The following DIP2B variants were observed in gnomAD, a reference collection of about 807,000 sequenced individuals.
The protein encoded by DIP2B is disco-interacting protein 2 homolog B.
A neutral mutation model predicts 198.0 loss-of-function variants in DIP2B; 76 were observed. The ratio of observed to expected loss-of-function variants is 0.38; its 90% CI spans 0.32 to 0.46. The LOEUF is 0.46. Ranked by LOEUF, DIP2B falls within the 20% of genes least tolerant of loss-of-function variation. The probability of loss-of-function intolerance (pLI) is 0.99; values close to 1 mark genes in which losing one functional copy is unlikely to be tolerated. For synonymous variants in DIP2B, 701 were observed against 739.1 expected (o/e 0.95, Z 0.84); for missense variants, 1,559 against 1,978.4 (o/e 0.79, Z 4.02).
In DIP2B at chr12:50,675,457, A is replaced by G. The variant is rs1366135011; in HGVS notation, c.916+9A>G. Reference sequence around the variant, plus strand: ...TGAAGAAATTGTGGAAGGTAGTAGTAAAAATACCAAAAACATATATTCATT... The same window carrying G: ...TGAAGAAATTGTGGAAGGTAGTAGTGAAAATACCAAAAACATATATTCATT... On this transcript the variant is annotated intron_variant, in intron 7 of 37. Coordinates refer to ENST00000301180, the MANE Select transcript of DIP2B (RefSeq NM_173602.3). The G allele has an allele frequency of 6.2e-7, 1 of 1,611,898 alleles. No individual in the cohort carries two copies. Among genetic ancestry groups the G allele is most frequent in the Non-Finnish European group, 8.5e-7 (1 of 1,178,634 alleles).
At chr12:50,532,422 G>A (rs540190370) in intron 1 of DIP2B, among the ~76,000 whole-genome samples, 5 of 152,296 alleles carry the variant, frequency 3.3e-5, no homozygotes, top group Non-Finnish European at 7.3e-5. Flanking sequence ...GTCTGAGGTG[G>A]GAGGATCGCT....
At chr12:50,558,940 G>T (rs1178296541) in intron 1 of DIP2B, among the ~76,000 whole-genome samples, 2 of 152,196 alleles carry the variant, frequency 1.3e-5, no homozygotes, top group African/African-American at 4.8e-5. Context: ...GAAGCCAAGA[G>T]AATGTCCTTT....
intron 1 of DIP2B, among the ~76,000 whole-genome samples, chr12:50,526,418 T>C (rs1171869945): frequency 6.6e-6 from 1 of 152,176 alleles, no homozygotes; most frequent in African/African-American, 2.4e-5. Context: ...ATGTGACAAC[T>C]TTCCGTTTCT....
At position 50,618,868 on chromosome 12, in the gene DIP2B, T is replaced by G. The variant is rs1937751386; in HGVS notation, c.101-7108T>G. ...CATTACCATTCTCTCCTTGCTCCCA[T>G]GGGACTTTGCAAATAATCTTGAGTG... On this transcript the variant is annotated intron_variant, in intron 1 of 37. Transcript: ENST00000301180. 9.8e-5 allele frequency among the ~76,000 whole-genome samples: 15 copies of G among 152,360 alleles called. No individual in the cohort carries two copies. In the South Asian group the frequency reaches 3.1e-3, roughly 32 times the overall value.
chr12:50,632,494 AAAG>A (rs1308740138), intron 2 of DIP2B, among the ~76,000 whole-genome samples: 1 of 149,548 alleles, frequency 6.7e-6, no homozygotes, highest in African/African-American at 2.5e-5. Flanking sequence ...AAAAAAAAAA[AAAG>A]GTAACATTCT....
At chr12:50,568,785 T>G (rs1440446852) in intron 1 of DIP2B, among the ~76,000 whole-genome samples, 1 of 152,212 alleles carries the variant, frequency 6.6e-6, no homozygotes, top group Non-Finnish European at 1.5e-5. Context: ...ACACCAGAAG[T>G]CTTTGCATCA....
chr12:50,579,891 G>A (rs1306435890), intron 1 of DIP2B, among the ~76,000 whole-genome samples: 3 of 151,258 alleles, frequency 2.0e-5, no homozygotes, highest in African/African-American at 4.9e-5. Flanking sequence ...CCTGGTAGGT[G>A]TGCTGATCTG....
chr12:50,738,783 T>G (rs1358258918), intron 35 of DIP2B, among the ~76,000 whole-genome samples: 1 of 152,170 alleles, frequency 6.6e-6, no homozygotes, highest in Non-Finnish European at 1.5e-5. Context: ...CCCAGCCTAT[T>G]TTAAAAATTT....
chr12:50,517,759 C>G (rs746057671), intron 1 of DIP2B, among the ~76,000 whole-genome samples: 15 of 152,242 alleles, frequency 9.9e-5, no homozygotes, highest in Non-Finnish European at 2.2e-4. Flanking sequence ...ATGCACTGTG[C>G]TTTTTTTCAC....
intron 35 of DIP2B, 117 bp from the exon 36 acceptor site, chr12:50,739,291 GC>G: frequency 8.9e-7 from 1 of 1,120,266 alleles, no homozygotes; most frequent in Non-Finnish European, 1.3e-6. Context: ...CTTTATTGAT[GC>G]AGTTGTGTTG....
At chr12:50,605,603 C>G (rs1255114121) in intron 1 of DIP2B, among the ~76,000 whole-genome samples, 3 of 152,106 alleles carry the variant, frequency 2.0e-5, no homozygotes, top group African/African-American at 7.2e-5. Context: ...CAGTCAATTC[C>G]CTTTCCCCCT....
intron 12 of DIP2B, chr12:50,687,026 A>G: frequency 5.3e-6 from 1 of 190,100 alleles, no homozygotes; most frequent in Non-Finnish European, 1.1e-5. Flanking sequence ...AGAACGGAGA[A>G]ATGAGGAGGG....
chr12:50,712,801 CG>C (rs1939642803), intron 22 of DIP2B, among the ~76,000 whole-genome samples: 1 of 150,802 alleles, frequency 6.6e-6, no homozygotes, highest in African/African-American at 2.4e-5. Context: ...TCAGCTACTC[CG>C]GAGACTGAGG....
At chr12:50,703,353 T>G (rs959227861) in intron 19 of DIP2B, among the ~76,000 whole-genome samples, 1 of 151,954 alleles carries the variant, frequency 6.6e-6, no homozygotes, top group Non-Finnish European at 1.5e-5. Flanking sequence ...GAACCAGACA[T>G]TCTAGTATGA....
At chr12:50,729,546 C>G (rs1939999028) in intron 30 of DIP2B, among the ~76,000 whole-genome samples, 1 of 151,920 alleles carries the variant, frequency 6.6e-6, no homozygotes, top group Admixed American at 6.6e-5. Context: ...AAATCACTGC[C>G]ATTTTGTATG....
chr12:50,549,650 G>A (rs1448161312), intron 1 of DIP2B, among the ~76,000 whole-genome samples: 1 of 133,894 alleles, frequency 7.5e-6, no homozygotes, highest in Non-Finnish European at 1.5e-5. Context: ...AGTGAGCTGA[G>A]ATAGTGCCAC....
Position 50,626,059 on chromosome 12 carries a change from A to C in DIP2B, c.172+12A>C. On this transcript the variant is annotated intron_variant, in intron 2 of 37. Transcript: ENST00000301180. ...CCCGCAGACACAAGGTAGGCAATAA[A>C]AAATGGTTTCAACTTTTTCAGTATT... 3 of 1,613,510 alleles carry C rather than the reference A, an allele frequency of 1.9e-6. No individual in the cohort carries two copies. Among genetic ancestry groups the C allele is most frequent in the Non-Finnish European group, 2.5e-6 (3 of 1,179,764 alleles).
At chr12:50,621,393 A>G (rs1937808480) in intron 1 of DIP2B, among the ~76,000 whole-genome samples, 1 of 152,170 alleles carries the variant, frequency 6.6e-6, no homozygotes, top group Non-Finnish European at 1.5e-5. Flanking sequence ...ACTAAATTCC[A>G]TTCCCTGAGC....
chr12:50,626,146 C>A, intron 2 of DIP2B, 99 bp downstream of exon 2: 2 of 1,230,556 alleles, frequency 1.6e-6, no homozygotes, highest in East Asian at 2.4e-5. Context: ...GTTTTTCCCT[C>A]CCTTCCTCAC....
Sources: allele counts gnomAD v4.1 joint callset (sites outside exome capture counted in the v4.1 genomes callset), GRCh38; gene constraint gnomAD v4.1.1; transcripts MANE v1.5; gene names NCBI Gene and HGNC (gene_info 2026-07-23, HGNC 2026-07-21).